FANCI: variants seen among roughly 807,000 people sequenced by gnomAD.
FANCI encodes the protein Fanconi anemia group I protein.
FANCI carries 156 observed loss-of-function variants against 176.1 expected under a neutral mutation model. The ratio of observed to expected loss-of-function variants is 0.89; its 90% CI spans 0.78 to 1.01. FANCI has a LOEUF of 1.01. Among genes scored for constraint, FANCI ranks in the 50% least tolerant of loss-of-function variants. The pLI, the probability that FANCI is intolerant of heterozygous loss-of-function variation, is 0.00. For missense variants in FANCI, 1,678 were observed against 1,534.1 expected (o/e 1.09, Z -1.57); for synonymous variants, 613 against 541.7 (o/e 1.13, Z -1.83).
In FANCI at chr15:89,295,034, T is replaced by C; in HGVS notation, c.2576T>C (p.Val859Ala). 1.3e-6 allele frequency: 2 copies of C among 1,552,180 alleles called. No individual in the cohort carries two copies. Among genetic ancestry groups the C allele is most frequent in the Non-Finnish European group, 8.7e-7 (1 of 1,147,108 alleles). The change falls in exon 24 of 38, where the codon GTG becomes GCG. Residue 859 changes from valine to alanine, a missense_variant. Val to Ala is a moderately conservative substitution (Grantham distance 64). This residue lies in a region of FANCI where 1,204 missense variants were observed against 1,077.4 expected (regional missense o/e 1.12). Transcript: ENST00000310775. Reference sequence around the variant, plus strand: ...CAGCAGCTAAAGGAAACAGGGCATGTGAGTGGCCCTGATGGCCAAAACCCA... The same window carrying C: ...CAGCAGCTAAAGGAAACAGGGCATGCGAGTGGCCCTGATGGCCAAAACCCA... ...KVQQLKETGH[V>A]SGPDGQNPEK...
chr15:89,261,511 G>T (rs991489328), intron 4 of FANCI, 74 bp from the exon 5 acceptor site: 1 of 1,578,646 alleles, frequency 6.3e-7, no homozygotes, highest in Admixed American at 1.7e-5. Flanking sequence ...TTCAGCAAAA[G>T]ACTTTATTTC....
At chr15:89,305,031 C>T (rs1223591977) in intron 28 of FANCI, 84 bp from the exon 29 acceptor site, 2 of 1,551,126 alleles carry the variant, frequency 1.3e-6, no homozygotes, top group East Asian at 2.3e-5. Context: ...CCGCCTTGGC[C>T]TCCCAAAGTG....
In FANCI at chr15:89,246,763, C is replaced by CTTTTTTTTTT. The variant is rs35104299; in HGVS notation, c.-19-855_-19-846dup. Among the ~76,000 whole-genome samples, 36 of 113,944 alleles carry CTTTTTTTTTT rather than the reference C, an allele frequency of 3.2e-4. 2 individuals carry two copies. Among genetic ancestry groups the CTTTTTTTTTT allele is most frequent in the African/African-American group, 1.1e-3 (32 of 29,586 alleles). The allele number at this position is 113,944 out of a possible 152,430, so 74.8% of individuals were successfully genotyped here. A position where few individuals can be genotyped will look rare whatever the true frequency, so the allele number is the denominator to read the frequency against. ...CTTTTCTTTCTTTCTTTCTTCCTTT[C>CTTTTTTTTTT]TTTTTTTTTTTTTTTTTTTTGAGAC... On this transcript the variant is annotated intron_variant, in intron 1 of 37. Transcript: ENST00000310775.
intron 32 of FANCI, 86 bp from the exon 33 acceptor site, chr15:89,307,390 A>G: frequency 3.1e-6 from 4 of 1,305,596 alleles, no homozygotes; most frequent in Non-Finnish European, 4.4e-6. Context: ...AGTCAGAATG[A>G]TGAGTCACAC....
rs537857278 is a variant in FANCI, at chr15:89,312,888, G to C, written c.3652-16G>C. On this transcript the variant is annotated splice_polypyrimidine_tract_variant and intron_variant, in intron 34 of 37. Transcript: ENST00000310775. ...AAAATCATCAGGAATAAGAGAATGT[G>C]TTTCTATTTCTTTAGAATAAGAGTA... The C allele has an allele frequency of 1.9e-6, 3 of 1,593,730 alleles. No homozygotes were observed. Among genetic ancestry groups the C allele is most frequent in the Admixed American group, 3.3e-5 (2 of 59,882 alleles).
chr15:89,263,889 T>A lies in FANCI; in HGVS notation c.546-14T>A. 1 of 1,614,076 alleles carries A rather than the reference T, an allele frequency of 6.2e-7. No individual in the cohort carries two copies. Among genetic ancestry groups the A allele is most frequent in the Non-Finnish European group, 8.5e-7 (1 of 1,179,930 alleles). ...TAGACACTGTCTATAGCCTTTAGAA[T>A]CTTTGATCCACAGGGATGTCCCTCT... On this transcript the variant is annotated splice_polypyrimidine_tract_variant and intron_variant, in intron 7 of 37. Coordinates refer to ENST00000310775, the MANE Select transcript of FANCI (RefSeq NM_001113378.2).
intron 34 of FANCI, among the ~76,000 whole-genome samples, chr15:89,309,181 G>A (rs1018770181): frequency 2.0e-5 from 3 of 152,118 alleles, no homozygotes; most frequent in African/African-American, 4.8e-5. Context: ...CCAAATGCTT[G>A]CAGGAATGCT....
In FANCI at chr15:89,266,327, A is replaced by T. The variant is rs1269418987; in HGVS notation, c.755+1720A>T. On this transcript the variant is annotated intron_variant, in intron 9 of 37. Transcript: ENST00000310775. ...CAGGCACCCACCACTATGCCTGGCT[A>T]ATTTTTTTTTTTTTTTTTTGAGAGG... Among the ~76,000 whole-genome samples, 4 of 144,888 alleles carry T rather than the reference A, an allele frequency of 2.8e-5. No individual in the cohort carries two copies. The East Asian group carries it at 6.0e-4, about 22-fold the overall frequency.
intron 1 of FANCI, among the ~76,000 whole-genome samples, chr15:89,246,518 C>T (rs1170398604): frequency 9.9e-5 from 15 of 152,120 alleles, no homozygotes. Context: ...TATTTTCCTA[C>T]TTGGATTCTA....
chr15:89,255,879 T>C (rs748696851), intron 2 of FANCI, among the ~76,000 whole-genome samples: 15 of 152,194 alleles, frequency 9.9e-5, no homozygotes, highest in African/African-American at 1.9e-4. Flanking sequence ...ACAGAGTCAA[T>C]AGAAGAAAAT....
chr15:89,311,534 AACCTCTGGGAAGATGGTTC>A (rs976565443), intron 34 of FANCI, among the ~76,000 whole-genome samples: 1 of 152,184 alleles, frequency 6.6e-6, no homozygotes, highest in African/African-American at 2.4e-5. Flanking sequence ...TCTTGGACAC[AACCTCTGGGAAGATGGTTC>A]ACTTCCCACT....
chr15:89,310,776 G>A (rs568808192), intron 34 of FANCI, among the ~76,000 whole-genome samples: 7 of 152,278 alleles, frequency 4.6e-5, no homozygotes, highest in East Asian at 1.9e-4. Flanking sequence ...AGAAAGCAAC[G>A]AAAACCATTG....
Position 89,311,744 on chromosome 15 carries a change from A to G in FANCI, c.3652-1160A>G, listed in dbSNP as rs201443594. Among the ~76,000 whole-genome samples, 9 of 152,186 alleles carry G rather than the reference A, an allele frequency of 5.9e-5. No individual in the cohort carries two copies. In the East Asian group the frequency reaches 9.7e-4, roughly 16 times the overall value. On this transcript the variant is annotated intron_variant, in intron 34 of 37. Coordinates refer to ENST00000310775, the MANE Select transcript of FANCI (RefSeq NM_001113378.2). Reference sequence around the variant, plus strand: ...GTGGAACAAGTCTCCTGTTTCTCTCATGGCTCCAGTTGCAGAGCCTCTCTG... The same window carrying G: ...GTGGAACAAGTCTCCTGTTTCTCTCGTGGCTCCAGTTGCAGAGCCTCTCTG...
chr15:89,278,983 A>G (rs1176445230), intron 14 of FANCI, among the ~76,000 whole-genome samples: 1 of 152,182 alleles, frequency 6.6e-6, no homozygotes, highest in African/African-American at 2.4e-5. Context: ...CAATTAACCA[A>G]TAAGTAAAAC....
chr15:89,307,552 A>G (rs1023847148), intron 33 of FANCI, 23 bp downstream of exon 33: 3 of 1,614,038 alleles, frequency 1.9e-6, no homozygotes, highest in African/African-American at 2.7e-5. Context: ...TGCCTTTCCT[A>G]GGAATGGGGG....
intron 20 of FANCI, among the ~76,000 whole-genome samples, chr15:89,292,361 G>A (rs1041015191): frequency 9.2e-5 from 14 of 152,160 alleles, no homozygotes; most frequent in African/African-American, 3.1e-4. Context: ...TCTATCTTTA[G>A]AATAGCCTCT....
intron 32 of FANCI, 34 bp downstream of exon 32, chr15:89,306,228 A>G (rs760942670): frequency 1.2e-6 from 2 of 1,606,782 alleles, no homozygotes; most frequent in South Asian, 1.1e-5. Context: ...TCGCCCCACC[A>G]TTCTACCCCA....
chr15:89,309,339 C>T (rs1325483139), intron 34 of FANCI, among the ~76,000 whole-genome samples: 1 of 151,872 alleles, frequency 6.6e-6, no homozygotes, highest in Non-Finnish European at 1.5e-5. Context: ...TATAAAGACA[C>T]ATTTCACAAA....
chr15:89,291,572 A>C, intron 19 of FANCI, 41 bp from the exon 20 acceptor site: 1 of 1,527,774 alleles, frequency 6.5e-7, no homozygotes, highest in Non-Finnish European at 9.1e-7. Flanking sequence ...AGTAAAAAGC[A>C]TTTATGAGCC....
Sources: allele counts gnomAD v4.1 joint callset (sites outside exome capture counted in the v4.1 genomes callset), GRCh38; gene constraint gnomAD v4.1.1; regional missense constraint gnomAD v4.1.1; transcripts MANE v1.5; gene names NCBI Gene and HGNC (gene_info 2026-07-23, HGNC 2026-07-21).